GSAP: variants seen among roughly 807,000 people sequenced by gnomAD.
The protein encoded by GSAP is gamma-secretase activating protein, also known as gamma-secretase-activating protein.
Under a neutral mutation model 131.7 loss-of-function variants are expected in GSAP, and 118 were observed. That is an observed-to-expected ratio of 0.90 (90% CI 0.77 to 1.04). The LOEUF is 1.04. GSAP is among the 50% of genes least tolerant of loss of function. The pLI is 0.00. For missense variants in GSAP, 1,019 were observed against 1,013.2 expected (o/e 1.01, Z -0.08); for synonymous variants, 381 against 363.4 (o/e 1.05, Z -0.55).
chr7:77,385,190 C>A (rs186182431), intron 6 of GSAP, among the ~76,000 whole-genome samples: 1 of 152,016 alleles, frequency 6.6e-6, no homozygotes, highest in Non-Finnish European at 1.5e-5. Flanking sequence ...CATACCACCA[C>A]GCCCAGCTAA....
At chr7:77,326,503 A>G in intron 22 of GSAP, 1 of 429,094 alleles carries the variant, frequency 2.3e-6, no homozygotes, top group Non-Finnish European at 4.1e-6. Context: ...CCTCAACCCC[A>G]GTAGGCTCTA....
At chr7:77,383,830 G>A (rs1025856756) in intron 6 of GSAP, among the ~76,000 whole-genome samples, 4 of 152,154 alleles carry the variant, frequency 2.6e-5, no homozygotes, top group Non-Finnish European at 5.9e-5. Flanking sequence ...CCCAATCTCC[G>A]AGTCATTAGT....
At chr7:77,402,402 GAAA>G (rs56837016) in intron 3 of GSAP, among the ~76,000 whole-genome samples, 1 of 121,354 alleles carries the variant, frequency 8.2e-6, no homozygotes. Flanking sequence ...AAAGAAAAAA[GAAA>G]AAAAAAATAT....
chr7:77,362,742 T>TA (rs1319480431), intron 12 of GSAP, 82 bp from the exon 13 acceptor site: 1 of 783,280 alleles, frequency 1.3e-6, no homozygotes, highest in East Asian at 2.6e-5. Context: ...AACTTACTTC[T>TA]ATTCCTTTAG....
chr7:77,359,200 C>CAA (rs545499994), intron 14 of GSAP, among the ~76,000 whole-genome samples: 97 of 141,830 alleles, frequency 6.8e-4, no homozygotes, highest in African/African-American at 2.3e-3. Flanking sequence ...GATTCCATCT[C>CAA]AAAAAAAAAA....
intron 26 of GSAP, among the ~76,000 whole-genome samples, chr7:77,318,806 C>T (rs1787216433): frequency 6.6e-6 from 1 of 150,966 alleles, no homozygotes. Flanking sequence ...GGCAATGATT[C>T]CTTGAATATG....
In GSAP at chr7:77,399,714, G is replaced by A. The variant is rs569911664; in HGVS notation, c.244-2299C>T. On this transcript the variant is annotated intron_variant, in intron 3 of 30. Coordinates refer to ENST00000257626, the MANE Select transcript of GSAP (RefSeq NM_017439.4). ...CTCAAAACTTGAGGTGGGGGGGGGC[G>A]GGGCAAAGTGAAGTCAACCCACTTG... Among the ~76,000 whole-genome samples the A allele has an allele frequency of 3.9e-3, 598 of 151,484 alleles. 1 individual carries two copies. Among genetic ancestry groups the A allele is most frequent in the Non-Finnish European group, 6.5e-3 (441 of 67,802 alleles).
intron 5 of GSAP, among the ~76,000 whole-genome samples, chr7:77,388,268 A>G (rs964704216): frequency 5.3e-5 from 8 of 152,242 alleles, no homozygotes; most frequent in Non-Finnish European, 1.2e-4. Context: ...AAACAAACAC[A>G]GTGCGATTCT....
intron 19 of GSAP, among the ~76,000 whole-genome samples, chr7:77,333,098 C>T (rs1584309538): frequency 1.3e-5 from 2 of 151,996 alleles, no homozygotes; most frequent in South Asian, 4.1e-4. Flanking sequence ...ACCCGGGAGG[C>T]GGAGGTTGCA....
In GSAP at chr7:77,406,071, T is replaced by C. The variant is rs1347042823; in HGVS notation, c.144A>G (p.Val48=). The C allele has an allele frequency of 8.7e-7, 1 of 1,148,904 alleles. No individual in the cohort carries two copies. 71.2% of individuals were successfully genotyped at this position (1,148,904 alleles called of 1,614,324 possible). Residue 48 remains valine, a synonymous_variant, in exon 2 of 31, where the codon GTA becomes GTG. Transcript: ENST00000257626. ...VLENDYESLH[V]LNVERNGNII... ...TATTTCCATTTCTTTCAACATTTAATACATGTAAGCTCTCATAATCGTTTT... is the reference window on the plus strand; with the variant it reads ...TATTTCCATTTCTTTCAACATTTAACACATGTAAGCTCTCATAATCGTTTT...
At chr7:77,392,308 G>C (rs572729903) in intron 5 of GSAP, among the ~76,000 whole-genome samples, 1 of 152,014 alleles carries the variant, frequency 6.6e-6, no homozygotes, top group Admixed American at 6.5e-5. Flanking sequence ...AACATATTGG[G>C]TGGCTGAGGT....
At chr7:77,358,093 C>T (rs550908298) in intron 14 of GSAP, among the ~76,000 whole-genome samples, 1 of 152,308 alleles carries the variant, frequency 6.6e-6, no homozygotes, top group Non-Finnish European at 1.5e-5. Context: ...GTAATCCCAG[C>T]ACTTTGGGAG....
intron 14 of GSAP, among the ~76,000 whole-genome samples, chr7:77,357,753 G>A (rs955177131): frequency 6.6e-6 from 1 of 152,224 alleles, no homozygotes; most frequent in Non-Finnish European, 1.5e-5. Context: ...GAGGACGCAA[G>A]GAACAAATTC....
At chr7:77,380,064 A>G (rs1400462827) in intron 8 of GSAP, 1 of 346,410 alleles carries the variant, frequency 2.9e-6, no homozygotes, top group African/African-American at 2.2e-5. Context: ...CAAATTATCA[A>G]GAAAAAGACA....
chr7:77,412,557 C>T (rs1039744783), intron 1 of GSAP, among the ~76,000 whole-genome samples: 2 of 151,584 alleles, frequency 1.3e-5, no homozygotes, highest in African/African-American at 4.8e-5. Context: ...CATCACAAAC[C>T]GAAACAGAAG....
At chr7:77,381,490 A>C in intron 7 of GSAP, 136 bp from the exon 8 acceptor site, 1 of 494,666 alleles carries the variant, frequency 2.0e-6, no homozygotes, top group East Asian at 3.3e-5. Flanking sequence ...ACACTATCAC[A>C]AACTGTAATC....
chr7:77,313,614 A>G (rs1794658210), intron 27 of GSAP, 65 bp from the exon 28 acceptor site: 1 of 766,640 alleles, frequency 1.3e-6, no homozygotes, highest in African/African-American at 1.7e-5. Context: ...GCAAGTTAAT[A>G]TTAATACTTG....
intron 3 of GSAP, among the ~76,000 whole-genome samples, chr7:77,401,984 A>G (rs1247974593): frequency 2.0e-5 from 3 of 152,246 alleles, no homozygotes; most frequent in Non-Finnish European, 4.4e-5. Context: ...CATTCTACCG[A>G]CATTAATTTA....
At chr7:77,406,817 G>A (rs1025074810) in intron 1 of GSAP, among the ~76,000 whole-genome samples, 1 of 152,214 alleles carries the variant, frequency 6.6e-6, no homozygotes, top group African/African-American at 2.4e-5. Flanking sequence ...CGAGGGTAGG[G>A]AGAGGGAGAA....
Sources: allele counts gnomAD v4.1 joint callset (sites outside exome capture counted in the v4.1 genomes callset), GRCh38; gene constraint gnomAD v4.1.1; transcripts MANE v1.5; gene names NCBI Gene and HGNC (gene_info 2026-07-23, HGNC 2026-07-21).